The following ADAP2 variants were observed in gnomAD, a reference collection of about 807,000 sequenced individuals.
The protein encoded by ADAP2 is ArfGAP with dual PH domains 2.
Under a neutral mutation model 54.9 loss-of-function variants are expected in ADAP2, and 42 were observed. That is an observed-to-expected ratio of 0.77 (90% CI 0.60 to 0.99). The LOEUF is 0.99. ADAP2 is among the 50% of genes least tolerant of loss of function. ADAP2 has a pLI of 0.00. For synonymous variants in ADAP2, 177 were observed against 180.1 expected (o/e 0.98, Z 0.14); for missense variants, 429 against 480.4 (o/e 0.89, Z 1.00).
intron 7 of ADAP2, 150 bp downstream of exon 7, chr17:30,949,520 G>A (rs887913194): frequency 2.2e-5 from 14 of 637,174 alleles, no homozygotes; most frequent in Middle Eastern, 2.6e-4. Flanking sequence ...AGGCTGAGGC[G>A]GGCGGATCAC....
chr17:30,949,112 C>T (rs950252218), intron 6 of ADAP2, among the ~76,000 whole-genome samples, 175 bp from the exon 7 acceptor site: 2 of 152,196 alleles, frequency 1.3e-5, no homozygotes, highest in East Asian at 1.9e-4. Flanking sequence ...GGTTAGCCCA[C>T]GAGGCTCTGA....
chr17:30,922,436 C>G (rs979842320), intron 1 of ADAP2, among the ~76,000 whole-genome samples: 7 of 152,234 alleles, frequency 4.6e-5, no homozygotes, highest in Non-Finnish European at 8.8e-5. Flanking sequence ...GCCAGGCACC[C>G]GACCGCCCGA....
At chr17:30,944,420 TG>T (rs1912499959) in intron 5 of ADAP2, among the ~76,000 whole-genome samples, 3 of 152,016 alleles carry the variant, frequency 2.0e-5, no homozygotes, top group African/African-American at 7.2e-5. Flanking sequence ...GTGGATCACC[TG>T]AGGTCAGGAG....
At chr17:30,946,909 C>CA (rs1912721254) in intron 6 of ADAP2, among the ~76,000 whole-genome samples, 1 of 152,144 alleles carries the variant, frequency 6.6e-6, no homozygotes, top group Non-Finnish European at 1.5e-5. Context: ...CCCCTAGCAC[C>CA]ATGGCCCTAG....
intron 4 of ADAP2, among the ~76,000 whole-genome samples, chr17:30,933,229 C>A (rs1911624572): frequency 6.6e-6 from 1 of 152,148 alleles, no homozygotes; most frequent in Non-Finnish European, 1.5e-5. Context: ...ACTCTGTTAC[C>A]CAGGCTGGAG....
intron 2 of ADAP2, among the ~76,000 whole-genome samples, chr17:30,925,183 A>ATTTTT (rs57259969): frequency 4.1e-5 from 4 of 98,146 alleles, no homozygotes; most frequent in African/African-American, 8.4e-5. Flanking sequence ...CGTGCCCAGC[A>ATTTTT]TTTTTTTTTT....
chr17:30,931,435 C>T (rs1479731175), intron 3 of ADAP2, among the ~76,000 whole-genome samples: 1 of 152,160 alleles, frequency 6.6e-6, no homozygotes, highest in Non-Finnish European at 1.5e-5. Flanking sequence ...AATTATCCAA[C>T]CCCGAATGTT....
chr17:30,933,104 A>G (rs2142526707), intron 4 of ADAP2, among the ~76,000 whole-genome samples: 1 of 152,292 alleles, frequency 6.6e-6, no homozygotes, highest in African/African-American at 2.4e-5. Flanking sequence ...TGACCCAGAC[A>G]GTAAAGTATA....
At chr17:30,930,412 A>G (rs978516273) in intron 3 of ADAP2, among the ~76,000 whole-genome samples, 3 of 152,050 alleles carry the variant, frequency 2.0e-5, no homozygotes, top group Admixed American at 1.3e-4. Context: ...AGAGGATTTT[A>G]TGGGTTCTGG....
At chr17:30,931,510 C>T (rs1219650222) in intron 3 of ADAP2, among the ~76,000 whole-genome samples, 1 of 152,136 alleles carries the variant, frequency 6.6e-6, no homozygotes, top group Non-Finnish European at 1.5e-5. Flanking sequence ...CTGTGATGTT[C>T]CCACCCTCAA....
At chr17:30,939,538 G>GAGGC (rs1168528728) in intron 5 of ADAP2, among the ~76,000 whole-genome samples, 1 of 151,664 alleles carries the variant, frequency 6.6e-6, no homozygotes, top group East Asian at 1.9e-4. Flanking sequence ...TTGGGAGGCC[G>GAGGC]AGGCAGGCAG....
chr17:30,941,881 T>C (rs1912293832), intron 5 of ADAP2, among the ~76,000 whole-genome samples: 1 of 152,042 alleles, frequency 6.6e-6, no homozygotes, highest in South Asian at 2.1e-4. Flanking sequence ...TGTGGTTACA[T>C]GGGTATATAC....
At chr17:30,940,516 G>C (rs1912197102) in intron 5 of ADAP2, among the ~76,000 whole-genome samples, 1 of 152,080 alleles carries the variant, frequency 6.6e-6, no homozygotes, top group South Asian at 2.1e-4. Flanking sequence ...TGTTGGCCAG[G>C]CTGGTCTCGA....
intron 3 of ADAP2, among the ~76,000 whole-genome samples, chr17:30,930,045 C>CTTAT (rs35101958): frequency 0.39 from 55,122 of 140,226 alleles, 12,614 homozygotes; most frequent in Non-Finnish European, 0.51. Flanking sequence ...CGACAGAAAC[C>CTTAT]TTATTTATTT....
At chr17:30,927,627 A>G (rs567048001) in intron 3 of ADAP2, among the ~76,000 whole-genome samples, 2 of 148,860 alleles carry the variant, frequency 1.3e-5, no homozygotes, top group Non-Finnish European at 2.9e-5. Flanking sequence ...AAAAAAAAAA[A>G]AATAAAAGAT....
intron 8 of ADAP2, chr17:30,954,220 T>C (rs1047320345): frequency 2.5e-5 from 9 of 362,570 alleles, no homozygotes; most frequent in Non-Finnish European, 4.6e-5. Flanking sequence ...AAGAGGAAGG[T>C]GCCTCTTCCA....
chr17:30,935,755 T>C (rs7208859), intron 5 of ADAP2, among the ~76,000 whole-genome samples: 41,003 of 151,994 alleles, frequency 0.27, 7,702 homozygotes, highest in African/African-American at 0.53. Context: ...GCTGCAACCC[T>C]GGCCCTGAGC....
At chr17:30,948,803 C>T (rs983235113) in intron 6 of ADAP2, among the ~76,000 whole-genome samples, 2 of 152,192 alleles carry the variant, frequency 1.3e-5, no homozygotes, top group African/African-American at 4.8e-5. Flanking sequence ...CTGCTCCCCA[C>T]CCAAATGCCA....
At chr17:30,922,668 GC>G (rs1910721185) in intron 1 of ADAP2, among the ~76,000 whole-genome samples, 3 of 151,968 alleles carry the variant, frequency 2.0e-5, no homozygotes, top group Non-Finnish European at 2.9e-5. Flanking sequence ...CCCGCGGTGC[GC>G]CCCCCGCGCC....
Sources: allele counts gnomAD v4.1 joint callset (sites outside exome capture counted in the v4.1 genomes callset), GRCh38; gene constraint gnomAD v4.1.1; transcripts MANE v1.5; gene names NCBI Gene and HGNC (gene_info 2026-07-23, HGNC 2026-07-21).